LOXL2: variants seen among roughly 807,000 people sequenced by gnomAD.
The protein encoded by LOXL2 is lysyl oxidase homolog 2.
LOXL2 carries 70 observed loss-of-function variants against 93.0 expected under a neutral mutation model. That is an observed-to-expected ratio of 0.75 (90% CI 0.62 to 0.92). LOXL2 has a LOEUF of 0.92. Ranked by LOEUF, LOXL2 falls within the 40% of genes least tolerant of loss-of-function variation. LOXL2 has a pLI of 0.00. For missense variants in LOXL2, 973 were observed against 1,054.9 expected (o/e 0.92, Z 1.08); for synonymous variants, 438 against 413.2 (o/e 1.06, Z -0.73).
intron 9 of LOXL2, among the ~76,000 whole-genome samples, chr8:23,314,236 G>A (rs1198699091): frequency 4.0e-5 from 6 of 148,536 alleles, no homozygotes; most frequent in South Asian, 2.2e-4. Context: ...TCAGTGTGGC[G>A]ATTCCTCAGG....
At chr8:23,374,407 CAT>C (rs1376830778) in intron 1 of LOXL2, among the ~76,000 whole-genome samples, 7 of 152,256 alleles carry the variant, frequency 4.6e-5, no homozygotes, top group Non-Finnish European at 7.3e-5. Context: ...CCGCAATAAA[CAT>C]ATGTGTGCAT....
At chr8:23,352,116 G>A (rs1804104575) in intron 3 of LOXL2, among the ~76,000 whole-genome samples, 1 of 152,160 alleles carries the variant, frequency 6.6e-6, no homozygotes. Context: ...GCCCAGCCCT[G>A]GACAGGATGT....
chr8:23,318,425 G>GCGCACA (rs1491262034), intron 8 of LOXL2, among the ~76,000 whole-genome samples: 1 of 145,750 alleles, frequency 6.9e-6, no homozygotes, highest in Non-Finnish European at 1.5e-5. Flanking sequence ...TTGGTTGATA[G>GCGCACA]CACACACACA....
intron 1 of LOXL2, among the ~76,000 whole-genome samples, chr8:23,377,768 C>T (rs1804617232): frequency 6.6e-6 from 1 of 152,020 alleles, no homozygotes; most frequent in Non-Finnish European, 1.5e-5. Context: ...CAACCCCTGC[C>T]TTTTTTTGTT....
intron 1 of LOXL2, among the ~76,000 whole-genome samples, chr8:23,399,677 T>C (rs992209079): frequency 2.6e-5 from 4 of 152,348 alleles, no homozygotes; most frequent in African/African-American, 9.6e-5. Context: ...AAATTCCTTT[T>C]GTTTAATAAA....
chr8:23,363,445 T>C (rs1433432414), intron 2 of LOXL2: 5 of 152,196 alleles, frequency 3.3e-5, no homozygotes, highest in Non-Finnish European at 5.9e-5. Context: ...CACTGAAACA[T>C]ACACTCCCTA....
At chr8:23,372,716 C>T (rs190846405) in intron 1 of LOXL2, among the ~76,000 whole-genome samples, 17 of 152,250 alleles carry the variant, frequency 1.1e-4, no homozygotes, top group Middle Eastern at 3.4e-3. Context: ...CTCTTCTAAA[C>T]GTACGTGCAT....
intron 10 of LOXL2, among the ~76,000 whole-genome samples, chr8:23,305,711 G>A (rs1330725491): frequency 2.0e-5 from 3 of 152,184 alleles, no homozygotes; most frequent in Non-Finnish European, 2.9e-5. Context: ...AATCCAGAAC[G>A]CTAAGGGGAG....
At chr8:23,348,797 A>G (rs1252924691) in intron 3 of LOXL2, among the ~76,000 whole-genome samples, 1 of 152,098 alleles carries the variant, frequency 6.6e-6, no homozygotes, top group Non-Finnish European at 1.5e-5. Flanking sequence ...GAATGGCATG[A>G]ACCCGGGAGG....
chr8:23,332,925 G>C (rs1803728871), intron 5 of LOXL2, among the ~76,000 whole-genome samples: 2 of 148,236 alleles, frequency 1.3e-5, no homozygotes, highest in Admixed American at 1.4e-4. Context: ...ACAGAGGGGG[G>C]GTGTTTCACA....
intron 1 of LOXL2, among the ~76,000 whole-genome samples, chr8:23,393,648 C>T (rs1417407245): frequency 6.6e-6 from 1 of 152,022 alleles, no homozygotes; most frequent in East Asian, 1.9e-4. Flanking sequence ...ATTTCTTAGA[C>T]ATTACACCAA....
At chr8:23,391,918 C>A (rs1335007152) in intron 1 of LOXL2, among the ~76,000 whole-genome samples, 2 of 152,110 alleles carry the variant, frequency 1.3e-5, no homozygotes, top group Non-Finnish European at 2.9e-5. Context: ...TCAAAAGTGG[C>A]CAGAGAGGCA....
intron 3 of LOXL2, among the ~76,000 whole-genome samples, chr8:23,348,959 C>A (rs1804042850): frequency 6.6e-6 from 1 of 152,162 alleles, no homozygotes; most frequent in African/African-American, 2.4e-5. Context: ...CAGCTTGACA[C>A]CTTCCTCAGC....
At chr8:23,340,918 C>A (rs1223118526) in intron 4 of LOXL2, 74 bp downstream of exon 4, 2 of 1,361,906 alleles carry the variant, frequency 1.5e-6, no homozygotes, top group African/African-American at 1.4e-5. Context: ...AGGCCACCAC[C>A]AGGGCGGACA....
Position 23,390,273 on chromosome 8 carries a change from G to A in LOXL2, c.-84+13681C>T, listed in dbSNP as rs184822192. On this transcript the variant is annotated intron_variant, in intron 1 of 13. Transcript: ENST00000389131. The stretch of plus-strand genomic sequence containing the variant: ...TTTGTGGAAACAGGCTGTCTTGGCT[G>A]AATGGGGTTTGCTCAGAGAATGAGG... Among the ~76,000 whole-genome samples, 261 of 152,308 alleles carry A rather than the reference G, an allele frequency of 1.7e-3. 1 individual carries two copies. The highest frequency in any genetic ancestry group is 5.8e-3 in the African/African-American group (241 of 41,580).
At chr8:23,398,707 C>T (rs1159939309) in intron 1 of LOXL2, among the ~76,000 whole-genome samples, 5 of 152,178 alleles carry the variant, frequency 3.3e-5, no homozygotes, top group Non-Finnish European at 4.4e-5. Context: ...GAGACAGGGT[C>T]TCACTCTGTC....
intron 6 of LOXL2, among the ~76,000 whole-genome samples, chr8:23,322,819 C>T (rs762831350): frequency 1.3e-5 from 2 of 152,240 alleles, no homozygotes; most frequent in South Asian, 2.1e-4. Flanking sequence ...ATAGATACCA[C>T]GCCCGTTACC....
Position 23,309,897 on chromosome 8 carries a change from C to G in LOXL2, c.1651G>C (p.Val551Leu). 6.5e-7 allele frequency: 1 copy of G among 1,530,336 alleles called. No homozygotes were observed. The allele number at this position is 1,530,336 out of a possible 1,614,324, so 94.8% of individuals were successfully genotyped here. Residue 551 changes from valine (V) to leucine (L), a missense_variant, in exon 10 of 14, where the codon GTC becomes CTC. Coordinates refer to ENST00000389131, the MANE Select transcript of LOXL2 (RefSeq NM_002318.3). ...TGCTGCACCATCTCCGCATTGAGGACCAGGTCAGGGGCGGCTGCGGAGGAT... is the reference window on the plus strand; with the variant it reads ...TGCTGCACCATCTCCGCATTGAGGAGCAGGTCAGGGGCGGCTGCGGAGGAT... ...VACSETAPDL[V>L]LNAEMVQQTT...
At chr8:23,360,022 C>T in intron 3 of LOXL2, 68 bp downstream of exon 3, 1 of 1,448,700 alleles carries the variant, frequency 6.9e-7, no homozygotes, top group Non-Finnish European at 9.6e-7. Flanking sequence ...AATCAATACG[C>T]AAAAAGCGAG....
Sources: gnomAD v4.1 joint callset for allele counts (sites outside exome capture counted in the v4.1 genomes callset) on GRCh38, gnomAD v4.1.1 for gene constraint, MANE v1.5 for transcripts, NCBI Gene and HGNC (gene_info 2026-07-23, HGNC 2026-07-21) for gene names.